Variants in EHBP1 observed in about 807,000 individuals in gnomAD.
EHBP1 encodes the protein EH domain binding protein 1, also known as EH domain-binding protein 1.
EHBP1 carries 55 observed loss-of-function variants against 144.0 expected under a neutral mutation model. The observed-to-expected ratio is 0.38, with a 90% CI of 0.31 to 0.48. EHBP1 has a LOEUF of 0.48. Among genes scored for constraint, EHBP1 ranks in the 20% least tolerant of loss-of-function variants. EHBP1 has a pLI of 0.98. For synonymous variants in EHBP1, 469 were observed against 472.7 expected, an observed-to-expected ratio of 0.99 and a Z score of 0.10; for missense variants, 1,200 against 1,364.2, an observed-to-expected ratio of 0.88 and a Z score of 1.90.
At chr2:62,965,082 G>A (rs1305632783) in intron 14 of EHBP1, 1 of 152,560 alleles carries the variant, frequency 6.6e-6, no homozygotes, top group African/African-American at 2.4e-5. Flanking sequence ...TAGTTTAATT[G>A]GTCTTTGTTT....
chr2:62,835,864 G>A (rs185996938), intron 7 of EHBP1, among the ~76,000 whole-genome samples: 3,852 of 152,250 alleles, frequency 0.025, 77 homozygotes, highest in Middle Eastern at 0.085. Context: ...CTGGCTGATT[G>A]CTAGCACAGC....
chr2:62,764,296 C>A lies in EHBP1; in HGVS notation c.193C>A (p.Pro65Thr), dbSNP rs1382035954. 1 of 1,570,706 alleles carries A rather than the reference C, an allele frequency of 6.4e-7. No homozygotes were observed. The highest frequency in any genetic ancestry group is 8.6e-7 in the Non-Finnish European group (1 of 1,160,978). Residue 65 changes from proline (P) to threonine (T), a missense_variant, in exon 4 of 23, where the codon CCC becomes ACC. Pro to Thr is a conservative substitution (Grantham distance 38). Coordinates refer to ENST00000431489, the MANE Select transcript of EHBP1 (RefSeq NM_001142616.3). ...AHSWQPGIKNPYRGVVVWPVP... is the reference protein window; with the variant it reads ...AHSWQPGIKNTYRGVVVWPVP... Reference sequence around the variant, plus strand: ...TAGCTGGCAACCTGGAATAAAAAATCCCTATCGTGGTGTTGTTGTGTGGCC... The same window carrying A: ...TAGCTGGCAACCTGGAATAAAAAATACCTATCGTGGTGTTGTTGTGTGGCC...
chr2:62,947,241 A>G (rs1281087348), intron 12 of EHBP1, among the ~76,000 whole-genome samples: 1 of 152,152 alleles, frequency 6.6e-6, no homozygotes, highest in African/African-American at 2.4e-5. Context: ...TTTATTTTTC[A>G]TTTTCTTTCT....
At chr2:62,700,822 A>G (rs2151762056), upstream of EHBP1, among the ~76,000 whole-genome samples, 1 of 152,350 alleles carries the variant, frequency 6.6e-6, no homozygotes, top group African/African-American at 2.4e-5. Context: ...CCATGTAGAT[A>G]TTCATCATAG....
chr2:62,910,814 A>T (rs2054158213), intron 10 of EHBP1, among the ~76,000 whole-genome samples: 1 of 152,198 alleles, frequency 6.6e-6, no homozygotes, highest in African/African-American at 2.4e-5. Flanking sequence ...TAAACTTTAG[A>T]TGAGTTAAAA....
At chr2:62,760,525 T>A (rs557736496) in intron 3 of EHBP1, among the ~76,000 whole-genome samples, 1 of 152,322 alleles carries the variant, frequency 6.6e-6, no homozygotes, top group South Asian at 2.1e-4. Flanking sequence ...GTCTAATTAC[T>A]ATTCCCTGAT....
chr2:62,924,994 G>C (rs2055381323), intron 10 of EHBP1, among the ~76,000 whole-genome samples: 2 of 152,002 alleles, frequency 1.3e-5, no homozygotes, highest in Non-Finnish European at 2.9e-5. Context: ...ATCAACGATG[G>C]CAATAGAAAC....
chr2:62,724,547 T>C (rs1297065976), intron 2 of EHBP1, among the ~76,000 whole-genome samples: 2 of 152,238 alleles, frequency 1.3e-5, no homozygotes, highest in Non-Finnish European at 2.9e-5. Flanking sequence ...GAAGGCACTT[T>C]GGCTTTTTGA....
At chr2:62,880,703 A>T (rs151201024) in intron 10 of EHBP1, among the ~76,000 whole-genome samples, 30 of 152,330 alleles carry the variant, frequency 2.0e-4, no homozygotes, top group Admixed American at 1.8e-3. Flanking sequence ...CCACAATGAG[A>T]TACTGTCTCA....
intron 7 of EHBP1, among the ~76,000 whole-genome samples, chr2:62,832,977 A>C (rs527688207): frequency 2.0e-4 from 30 of 152,362 alleles, no homozygotes; most frequent in African/African-American, 7.2e-4. Context: ...AAACAGTTAA[A>C]CAAGTTGTGA....
At chr2:62,817,125 G>A (rs1156931146) in intron 5 of EHBP1, among the ~76,000 whole-genome samples, 1 of 152,184 alleles carries the variant, frequency 6.6e-6, no homozygotes, top group African/African-American at 2.4e-5. Flanking sequence ...TATTTATTGA[G>A]TAGTGGCTAT....
intron 9 of EHBP1, among the ~76,000 whole-genome samples, chr2:62,865,673 A>C (rs989725520): frequency 6.6e-6 from 1 of 152,250 alleles, no homozygotes; most frequent in Admixed American, 6.5e-5. Flanking sequence ...TAAAATTATT[A>C]TATGAAACAA....
chr2:62,768,683 C>T (rs1206406776), intron 4 of EHBP1, among the ~76,000 whole-genome samples: 2 of 152,154 alleles, frequency 1.3e-5, no homozygotes, highest in African/African-American at 2.4e-5. Context: ...CAGCATCATC[C>T]TAATAACAAA....
intron 19 of EHBP1, among the ~76,000 whole-genome samples, chr2:63,022,585 G>A (rs928763962): frequency 2.0e-5 from 3 of 151,936 alleles, no homozygotes; most frequent in Non-Finnish European, 2.9e-5. Flanking sequence ...AAAGTGCTGG[G>A]ATCACAGACA....
At chr2:62,803,733 T>G (rs2044221147) in intron 5 of EHBP1, among the ~76,000 whole-genome samples, 1 of 152,220 alleles carries the variant, frequency 6.6e-6, no homozygotes, top group African/African-American at 2.4e-5. Context: ...CCCTGTCATT[T>G]TTTCAGCATT....
At chr2:62,676,407 A>G (rs985647647) in intron 1 of EHBP1, among the ~76,000 whole-genome samples, 2 of 152,232 alleles carry the variant, frequency 1.3e-5, no homozygotes, top group African/African-American at 4.8e-5. Flanking sequence ...TTTATTTCAC[A>G]AACACATTTT....
intron 5 of EHBP1, among the ~76,000 whole-genome samples, chr2:62,824,842 T>G (rs552660472): frequency 6.6e-5 from 10 of 152,092 alleles, no homozygotes; most frequent in Admixed American, 2.0e-4. Context: ...AATTAGTATG[T>G]CCTTATTTTA....
intron 14 of EHBP1, among the ~76,000 whole-genome samples, chr2:62,968,071 T>G (rs898491709): frequency 1.3e-5 from 2 of 152,160 alleles, no homozygotes; most frequent in Non-Finnish European, 2.9e-5. Context: ...CTTTAAACAC[T>G]AAGGTATTTC....
At chr2:62,984,755 C>G (rs952941096) in intron 15 of EHBP1, among the ~76,000 whole-genome samples, 1 of 152,102 alleles carries the variant, frequency 6.6e-6, no homozygotes, top group Non-Finnish European at 1.5e-5. Flanking sequence ...AAATAGTAAT[C>G]CTTTTATCTA....
Sources: gnomAD v4.1 joint callset for allele counts (sites outside exome capture counted in the v4.1 genomes callset) on GRCh38, gnomAD v4.1.1 for gene constraint, MANE v1.5 for transcripts, NCBI Gene and HGNC (gene_info 2026-07-23, HGNC 2026-07-21) for gene names.